KIF1B: variants seen among roughly 807,000 people sequenced by gnomAD.
KIF1B encodes kinesin family member 1B.
Under a neutral mutation model 241.9 loss-of-function variants are expected in KIF1B, and 76 were observed. The ratio of observed to expected loss-of-function variants is 0.31; its 90% CI spans 0.26 to 0.38. The LOEUF is 0.38. KIF1B is among the 10% of genes least tolerant of loss of function. KIF1B has a pLI of 1.00. For missense variants in KIF1B, 1,622 were observed against 2,271.4 expected (o/e 0.71, Z 5.81); for synonymous variants, 750 against 796.7 (o/e 0.94, Z 0.99).
chr1:10,272,099 G>T lies in KIF1B; in HGVS notation c.799-142G>T, dbSNP rs1475327760. ...CATGTTATTATCAAGTGGAAAAGAG[G>T]ACAGATGGAGGACTAAAGGTTGTTT... is the stretch of plus-strand genomic sequence containing the variant. On this transcript the variant is annotated intron_variant, in intron 8 of 48. Coordinates refer to ENST00000676179, the MANE Select transcript of KIF1B (RefSeq NM_001365951.3). 1.1e-5 allele frequency: 7 copies of T among 665,240 alleles called. No homozygotes were observed. In the East Asian group the frequency reaches 1.8e-4, roughly 17 times the overall value. 41.2% of individuals were successfully genotyped at this position (665,240 alleles called of 1,614,324 possible).
Position 10,371,236 on chromosome 1 carries a change from C to G in KIF1B, c.4920C>G (p.Asp1640Glu), listed in dbSNP as rs1403107697. Residue 1640 changes from aspartate to glutamate, a missense_variant, in exon 45 of 49, where the codon GAC (aspartate) becomes GAG (glutamate). Coordinates refer to ENST00000676179, the MANE Select transcript of KIF1B (RefSeq NM_001365951.3). ...CCTCCACCTGTCCCTCTCTGGTAGA[C>G]TCTAGGAGCAACTCTCTGGATCAGA... ...TPSSTCPSLV[D>E]SRSNSLDQKT... 5.6e-6 allele frequency: 9 copies of G among 1,614,146 alleles called. No homozygotes were observed. Among genetic ancestry groups the G allele is most frequent in the Non-Finnish European group, 5.1e-6 (6 of 1,179,974 alleles).
intron 7 of KIF1B, among the ~76,000 whole-genome samples, chr1:10,270,260 G>A (rs191597630): frequency 2.6e-5 from 4 of 151,944 alleles, no homozygotes; most frequent in East Asian, 1.9e-4. Flanking sequence ...GGCAATTCCC[G>A]GGCAATTCCG....
rs142105756 is a variant in KIF1B, at chr1:10,258,532, A to G, written c.223A>G (p.Asn75Asp). ...TTTTGCATCTCAAAACCGTGTGTAC[A>G]ATGACATTGGCAAGGAAATGCTCTT... is the stretch of plus-strand genomic sequence containing the variant. The part of the protein sequence containing the change: ...PCFASQNRVY[N>D]DIGKEMLLHA... Residue 75 changes from asparagine (N) to aspartate (D), a missense_variant, in exon 4 of 49, where the codon AAT (asparagine) becomes GAT (aspartate). By Grantham distance (23) the Asn-to-Asp change is conservative. Coordinates refer to ENST00000676179, the MANE Select transcript of KIF1B (RefSeq NM_001365951.3). 1 of 1,614,172 alleles carries G rather than the reference A, an allele frequency of 6.2e-7. No individual in the cohort carries two copies. Among genetic ancestry groups the G allele is most frequent in the Non-Finnish European group, 8.5e-7 (1 of 1,180,016 alleles).
intron 24 of KIF1B, 58 bp downstream of exon 24, chr1:10,321,915 A>G: frequency 1.9e-6 from 3 of 1,599,988 alleles, no homozygotes. Context: ...CTGTGGGTGC[A>G]TCTGGGTTCT....
intron 27 of KIF1B, among the ~76,000 whole-genome samples, chr1:10,331,223 GC>G (rs1284774546): frequency 6.6e-6 from 1 of 152,220 alleles, no homozygotes; most frequent in Non-Finnish European, 1.5e-5. Context: ...TAGCTGGGGT[GC>G]CCATAATAGA....
At chr1:10,339,219 G>C (rs1158943150) in intron 31 of KIF1B, among the ~76,000 whole-genome samples, 1 of 152,164 alleles carries the variant, frequency 6.6e-6, no homozygotes, top group Non-Finnish European at 1.5e-5. Flanking sequence ...CTGTCTGGGG[G>C]AGAGAGGCAT....
Position 10,342,094 on chromosome 1 carries a change from C to G in KIF1B, c.3558C>G (p.Thr1186=), listed in dbSNP as rs1269011642. 1.2e-6 allele frequency: 2 copies of G among 1,613,600 alleles called. No individual in the cohort carries two copies. Among genetic ancestry groups the G allele is most frequent in the Admixed American group, 3.3e-5 (2 of 60,010 alleles). Residue 1186 remains threonine, a synonymous_variant, in exon 33 of 49, where the codon ACC becomes ACG. Coordinates refer to ENST00000676179, the MANE Select transcript of KIF1B (RefSeq NM_001365951.3). The part of the protein sequence containing the change: ...ITESFVDYIK[T]KPIVFEVFGH... Reference sequence around the variant, plus strand: ...AATCATTTGTGGATTACATCAAAACCAAGCCTATTGTATTTGAAGTCTTTG... The same window carrying G: ...AATCATTTGTGGATTACATCAAAACGAAGCCTATTGTATTTGAAGTCTTTG...
chr1:10,246,202 T>A (rs1295201360), intron 2 of KIF1B, among the ~76,000 whole-genome samples: 1 of 151,992 alleles, frequency 6.6e-6, no homozygotes, highest in African/African-American at 2.4e-5. Context: ...CCACCCAGAG[T>A]GGCTCCTCCT....
rs149407490 is a variant in KIF1B at position 10,297,252 on chromosome 1, A to T, written c.2115+6A>T. ...TTTTGGAGCAGCAGAGACTGGTAGGAGTCCTGAATCTGCTAAACTGTTGGG... is the reference window on the plus strand; with the variant it reads ...TTTTGGAGCAGCAGAGACTGGTAGGTGTCCTGAATCTGCTAAACTGTTGGG... On this transcript the variant is annotated splice_donor_region_variant and intron_variant, in intron 22 of 48. Transcript: ENST00000676179. 43 of 1,611,678 alleles carry T rather than the reference A, an allele frequency of 2.7e-5. No individual in the cohort carries two copies. In the African/African-American group the frequency reaches 4.7e-4, roughly 18 times the overall value.
At chr1:10,222,958 A>G (rs1322737865) in intron 1 of KIF1B, among the ~76,000 whole-genome samples, 1 of 152,194 alleles carries the variant, frequency 6.6e-6, no homozygotes, top group East Asian at 1.9e-4. Flanking sequence ...TAACTTCTTA[A>G]AAATAACTCT....
Position 10,329,906 on chromosome 1 carries a change from G to A in KIF1B, c.2924+3547G>A, listed in dbSNP as rs1468990456. Among the ~76,000 whole-genome samples the A allele has an allele frequency of 2.6e-5, 4 of 152,276 alleles. No homozygotes were observed. The East Asian group carries it at 7.7e-4, about 29-fold the overall frequency. On this transcript the variant is annotated intron_variant, in intron 27 of 48. Transcript: ENST00000676179. ...CATCCATCATAATTTGGGATGAAAT[G>A]TAAAATATTTAAGCTAGTCTTCTGG...
Position 10,348,611 on chromosome 1 carries a change from T to C in KIF1B, c.3865-38T>C, listed in dbSNP as rs779379817. Reference sequence around the variant, plus strand: ...ACAGTAGACGAGAGGAGATAATAGATTGCTTCAGCTAAATTGCAACCCTGC... The same window carrying C: ...ACAGTAGACGAGAGGAGATAATAGACTGCTTCAGCTAAATTGCAACCCTGC... On this transcript the variant is annotated intron_variant, in intron 36 of 48. Transcript: ENST00000676179. 78 of 1,493,408 alleles carry C rather than the reference T, an allele frequency of 5.2e-5. 1 individual carries two copies. In the Middle Eastern group the frequency reaches 1.7e-3, roughly 33 times the overall value. The allele number at this position is 1,493,408 out of a possible 1,614,324, so 92.5% of individuals were successfully genotyped here. A position where few individuals can be genotyped will look rare whatever the true frequency, so the allele number is the denominator to read the frequency against.
intron 17 of KIF1B, among the ~76,000 whole-genome samples, chr1:10,294,174 T>A (rs1486717387): frequency 6.6e-6 from 1 of 152,238 alleles, no homozygotes; most frequent in Non-Finnish European, 1.5e-5. Context: ...ACCATGTGAC[T>A]TATTTTTGGA....
intron 22 of KIF1B, among the ~76,000 whole-genome samples, chr1:10,298,544 C>T (rs1018023367): frequency 1.3e-5 from 2 of 152,136 alleles, no homozygotes; most frequent in African/African-American, 2.4e-5. Flanking sequence ...GCCTTTTTAG[C>T]ATTAAGTTTT....
At chr1:10,314,451 G>T (rs1175557786) in intron 22 of KIF1B, among the ~76,000 whole-genome samples, 2 of 151,234 alleles carry the variant, frequency 1.3e-5, no homozygotes, top group Middle Eastern at 6.8e-3. Context: ...ATGGGGTCTC[G>T]CTGTGTCCTC....
At chr1:10,353,959 T>C (rs1429064428) in intron 38 of KIF1B, among the ~76,000 whole-genome samples, 1 of 152,230 alleles carries the variant, frequency 6.6e-6, no homozygotes, top group Non-Finnish European at 1.5e-5. Context: ...ACATTTTCTT[T>C]GTAGCTATGA....
Position 10,356,475 on chromosome 1 carries a change from G to T in KIF1B, c.4055+3739G>T, listed in dbSNP as rs1433087442. 4.6e-5 allele frequency among the ~76,000 whole-genome samples: 7 copies of T among 152,098 alleles called. No homozygotes were observed. The South Asian group carries it at 6.2e-4, about 14-fold the overall frequency. On this transcript the variant is annotated intron_variant, in intron 38 of 48. Transcript: ENST00000676179. ...TTTACATTTCAGAGATTCTCCTAAT[G>T]AACTCAAAAGGGTTCATCAGATGTG...
At chr1:10,255,857 A>G (rs1310983894) in intron 2 of KIF1B, among the ~76,000 whole-genome samples, 1 of 152,080 alleles carries the variant, frequency 6.6e-6, no homozygotes, top group Non-Finnish European at 1.5e-5. Flanking sequence ...TGGCTCGATA[A>G]CAGCTAACTA....
intron 38 of KIF1B, among the ~76,000 whole-genome samples, chr1:10,356,658 T>C (rs140856157): frequency 0.011 from 1,672 of 151,898 alleles, 9 homozygotes; most frequent in Non-Finnish European, 0.018. Flanking sequence ...TCCCAGCACT[T>C]TGGGAGACCG....
Sources: allele counts gnomAD v4.1 joint callset (sites outside exome capture counted in the v4.1 genomes callset), GRCh38; gene constraint gnomAD v4.1.1; transcripts MANE v1.5; gene names NCBI Gene and HGNC (gene_info 2026-07-23, HGNC 2026-07-21).